Variants in DPP6 observed in about 807,000 individuals in gnomAD.
The protein encoded by DPP6 is dipeptidyl peptidase like 6.
DPP6 carries 69 observed loss-of-function variants against 122.6 expected under a neutral mutation model. The observed-to-expected ratio is 0.56, with a 90% confidence interval of 0.46 to 0.69. DPP6 has a LOEUF of 0.69. Ranked by LOEUF, DPP6 falls within the 30% of genes least tolerant of loss-of-function variation. The pLI, the probability that DPP6 is intolerant of heterozygous loss-of-function variation, is 0.00. For missense variants in DPP6, 928 were observed against 1,116.9 expected (o/e 0.83, Z 2.41); for synonymous variants, 418 against 433.1 (o/e 0.97, Z 0.43).
At chr7:154,560,639 T>G (rs1289612810) in intron 4 of DPP6, among the ~76,000 whole-genome samples, 1 of 152,174 alleles carries the variant, frequency 6.6e-6, no homozygotes, top group Non-Finnish European at 1.5e-5. Flanking sequence ...ATCCCATCAC[T>G]TTGGAAGGCT....
At chr7:154,655,235 T>C (rs929920477) in intron 6 of DPP6, among the ~76,000 whole-genome samples, 1 of 152,174 alleles carries the variant, frequency 6.6e-6, no homozygotes, top group African/African-American at 2.4e-5. Flanking sequence ...CTGTTGCTGT[T>C]ATAAAGCTTT....
Position 154,888,665 on chromosome 7 carries a change from C to A in DPP6, c.2305-607C>A, listed in dbSNP as rs550308570. On this transcript the variant is annotated intron_variant, in intron 23 of 25. Coordinates refer to ENST00000377770, the MANE Select transcript of DPP6 (RefSeq NM_130797.4). ...GGAGGAAACTCTTCCTTTTTCCCTT[C>A]TTCTCTTCCACCCCCTCCTCTTCCA... Among the ~76,000 whole-genome samples the A allele has an allele frequency of 1.6e-4, 24 of 152,292 alleles. No individual in the cohort carries two copies. In the South Asian group the frequency reaches 2.7e-3, roughly 17 times the overall value.
intron 1 of DPP6, among the ~76,000 whole-genome samples, chr7:154,262,012 GGA>G (rs1488074007): frequency 1.3e-5 from 2 of 151,386 alleles, no homozygotes; most frequent in Non-Finnish European, 3.0e-5. Flanking sequence ...AGGAAGGGAG[GGA>G]GAGAGGGAGA....
chr7:154,860,969 T>C (rs1803338699), intron 17 of DPP6, among the ~76,000 whole-genome samples: 1 of 131,070 alleles, frequency 7.6e-6, no homozygotes. Flanking sequence ...AGACTAAAAA[T>C]GTAAAAAGAT....
chr7:154,365,137 T>C (rs1025228806), intron 1 of DPP6, among the ~76,000 whole-genome samples: 5 of 152,328 alleles, frequency 3.3e-5, no homozygotes, highest in Middle Eastern at 3.4e-3. Flanking sequence ...TCCACCATTA[T>C]GTCAAGACAT....
At chr7:154,837,329 A>T (rs111327918) in intron 16 of DPP6, among the ~76,000 whole-genome samples, 2,454 of 151,122 alleles carry the variant, frequency 0.016, 70 homozygotes, top group African/African-American at 0.057. Flanking sequence ...ATGCACACAC[A>T]TGCATAACAT....
intron 1 of DPP6, among the ~76,000 whole-genome samples, chr7:154,158,835 C>T (rs117739302): frequency 3.5e-4 from 53 of 152,154 alleles, no homozygotes; most frequent in African/African-American, 1.2e-3. Flanking sequence ...ATCCCTCCAC[C>T]TCTTGCCCAG....
At chr7:153,946,428 G>A (rs1034795776) in intron 1 of DPP6, among the ~76,000 whole-genome samples, 3 of 152,216 alleles carry the variant, frequency 2.0e-5, no homozygotes, top group Non-Finnish European at 4.4e-5. Flanking sequence ...TCATGGTGCC[G>A]GTGGGAGTGT....
intron 1 of DPP6, among the ~76,000 whole-genome samples, chr7:154,410,216 G>A (rs1326140486): frequency 6.6e-6 from 1 of 152,210 alleles, no homozygotes; most frequent in Non-Finnish European, 1.5e-5. Flanking sequence ...CTAACATCGT[G>A]TCTTAGGGAT....
intron 5 of DPP6, among the ~76,000 whole-genome samples, chr7:154,600,513 G>C (rs1356616396): frequency 1.7e-5 from 2 of 120,724 alleles, no homozygotes; most frequent in African/African-American, 5.3e-5. Flanking sequence ...ATAGGTGCCA[G>C]GCACCATGTC....
intron 1 of DPP6, among the ~76,000 whole-genome samples, chr7:154,021,200 G>T (rs1158194206): frequency 1.3e-5 from 2 of 152,106 alleles, no homozygotes; most frequent in Admixed American, 6.6e-5. Context: ...CTCTGCGAAC[G>T]TTTGCTGCTG....
intron 1 of DPP6, among the ~76,000 whole-genome samples, chr7:153,981,004 G>A (rs1796555741): frequency 6.6e-6 from 1 of 152,194 alleles, no homozygotes; most frequent in African/African-American, 2.4e-5. Context: ...ATGTAGTGCT[G>A]AGAAGAATGT....
At chr7:154,574,912 G>T (rs1349550396) in intron 5 of DPP6, among the ~76,000 whole-genome samples, 2 of 133,206 alleles carry the variant, frequency 1.5e-5, no homozygotes, top group Non-Finnish European at 3.1e-5. Context: ...TGGTGTGCGT[G>T]TGTGTATGTG....
intron 1 of DPP6, among the ~76,000 whole-genome samples, chr7:154,225,983 G>A (rs1001955979): frequency 3.3e-5 from 5 of 152,130 alleles, no homozygotes; most frequent in Non-Finnish European, 5.9e-5. Flanking sequence ...TTTGATGAAT[G>A]AGCAACTGAA....
At chr7:154,015,691 C>G (rs1219931172) in intron 1 of DPP6, among the ~76,000 whole-genome samples, 1 of 152,128 alleles carries the variant, frequency 6.6e-6, no homozygotes, top group Non-Finnish European at 1.5e-5. Context: ...GATCCCATCT[C>G]CAAAATATAC....
intron 1 of DPP6, among the ~76,000 whole-genome samples, chr7:154,327,613 G>A (rs1024054726): frequency 3.3e-5 from 5 of 152,102 alleles, no homozygotes; most frequent in East Asian, 1.9e-4. Context: ...TGCTTAGGCC[G>A]TTGTGAAATT....
chr7:154,052,203 C>T (rs1186561890), upstream of DPP6, among the ~76,000 whole-genome samples: 2 of 151,694 alleles, frequency 1.3e-5, no homozygotes, highest in Non-Finnish European at 3.0e-5. The surrounding 1 kb of genome is among the most constrained non-coding windows in gnomAD (Gnocchi z 4.8). Flanking sequence ...CCCGCGTGGT[C>T]CCAGCCCCTC....
At chr7:154,559,419 T>C (rs1002723069) in intron 4 of DPP6, among the ~76,000 whole-genome samples, 1 of 148,896 alleles carries the variant, frequency 6.7e-6, no homozygotes, top group Non-Finnish European at 1.5e-5. Flanking sequence ...ATACCTGTCA[T>C]TAAAGTTCCA....
chr7:154,813,757 A>G (rs1799226760), intron 16 of DPP6, among the ~76,000 whole-genome samples: 1 of 152,092 alleles, frequency 6.6e-6, no homozygotes, highest in South Asian at 2.1e-4. Context: ...ATTTTCCAGA[A>G]TATACCAAGC....
Sources: allele counts gnomAD v4.1 joint callset (sites outside exome capture counted in the v4.1 genomes callset), GRCh38; gene constraint gnomAD v4.1.1; non-coding constraint Gnocchi (gnomAD v3.1); transcripts MANE v1.5; gene names NCBI Gene and HGNC (gene_info 2026-07-23, HGNC 2026-07-21).